Variants in MED12L observed in about 807,000 individuals in gnomAD.
The protein encoded by MED12L is mediator complex subunit 12L, also known as mediator of RNA polymerase II transcription subunit 12-like protein.
In MED12L, 60 loss-of-function variants were observed where a neutral mutation model predicts 281.3. The ratio of observed to expected loss-of-function variants is 0.21; its 90% CI spans 0.17 to 0.26. MED12L has a LOEUF of 0.26. Ranked by LOEUF, MED12L falls within the 10% of genes least tolerant of loss-of-function variation. The pLI is 1.00. For synonymous variants in MED12L, 974 were observed against 987.2 expected (o/e 0.99, Z 0.25); for missense variants, 2,146 against 2,680.9 (o/e 0.80, Z 4.41).
intron 16 of MED12L, among the ~76,000 whole-genome samples, chr3:151,254,488 T>C (rs750511062): frequency 1.3e-5 from 2 of 152,348 alleles, no homozygotes; most frequent in African/African-American, 2.4e-5. Context: ...CATTTTCCCA[T>C]TTATAATTAG....
intron 16 of MED12L, among the ~76,000 whole-genome samples, chr3:151,323,307 A>C (rs949922648): frequency 6.6e-6 from 1 of 152,160 alleles, no homozygotes; most frequent in African/African-American, 2.4e-5. Context: ...TCAGTCTAGA[A>C]TCATCCTATA....
At chr3:151,229,305 CTTTTTTTT>C (rs35097589) in intron 16 of MED12L, among the ~76,000 whole-genome samples, 1 of 112,520 alleles carries the variant, frequency 8.9e-6, no homozygotes, top group South Asian at 2.9e-4. Flanking sequence ...TTCAGCAATT[CTTTTTTTT>C]TTTTTTTTTT....
chr3:151,217,420 C>T (rs1195360486), intron 16 of MED12L, among the ~76,000 whole-genome samples: 1 of 152,176 alleles, frequency 6.6e-6, no homozygotes, highest in East Asian at 1.9e-4. Flanking sequence ...TGATATACAC[C>T]ATTCCCCTTC....
At chr3:151,128,733 A>G (rs1488696426) in intron 5 of MED12L, among the ~76,000 whole-genome samples, 2 of 151,880 alleles carry the variant, frequency 1.3e-5, no homozygotes, top group Non-Finnish European at 2.9e-5. Flanking sequence ...TTCTCCCTCT[A>G]CTTCTGGTTA....
At chr3:151,316,390 T>C (rs1402446052) in intron 16 of MED12L, 1 of 152,202 alleles carries the variant, frequency 6.6e-6, no homozygotes, top group East Asian at 1.9e-4. Flanking sequence ...ATATGTAGTT[T>C]ATATTTCTGC....
chr3:151,213,954 A>G (rs777131350), intron 16 of MED12L: 1 of 1,614,142 alleles, frequency 6.2e-7, no homozygotes, highest in Non-Finnish European at 8.5e-7. Flanking sequence ...TTACAATTTT[A>G]TAATATCTGT....
intron 27 of MED12L, among the ~76,000 whole-genome samples, chr3:151,373,874 A>C (rs1756495009): frequency 6.6e-6 from 1 of 152,178 alleles, no homozygotes; most frequent in Non-Finnish European, 1.5e-5. Flanking sequence ...AGAGAACGTT[A>C]CTGAGAAACC....
chr3:151,232,742 C>G (rs560904066), intron 16 of MED12L, among the ~76,000 whole-genome samples: 2 of 152,250 alleles, frequency 1.3e-5, no homozygotes, highest in African/African-American at 4.8e-5. Flanking sequence ...ATCATGAGAA[C>G]TCATGGACAC....
At chr3:151,197,752 T>A (rs1336327968) in intron 16 of MED12L, 1 of 152,662 alleles carries the variant, frequency 6.6e-6, no homozygotes, top group South Asian at 2.1e-4. Context: ...AGTCACTAAA[T>A]GTATTATTAC....
At chr3:151,346,748 A>G (rs1445385366) in intron 16 of MED12L, among the ~76,000 whole-genome samples, 2 of 152,074 alleles carry the variant, frequency 1.3e-5, no homozygotes, top group African/African-American at 4.8e-5. Context: ...CATAATGTGA[A>G]GGTTTTGCAC....
chr3:151,188,592 A>G (rs537544324), intron 13 of MED12L, 112 bp downstream of exon 13: 1 of 1,145,222 alleles, frequency 8.7e-7, no homozygotes, highest in South Asian at 1.9e-5. Context: ...CACTGAATAT[A>G]ATGTATGTTT....
At chr3:151,361,441 A>T (rs1437001212) in intron 21 of MED12L, among the ~76,000 whole-genome samples, 1 of 151,946 alleles carries the variant, frequency 6.6e-6, no homozygotes, top group Non-Finnish European at 1.5e-5. Flanking sequence ...AAAAAAATAG[A>T]ACTGAATTAA....
chr3:151,174,054 G>T (rs1190009374), intron 11 of MED12L, among the ~76,000 whole-genome samples: 1 of 152,126 alleles, frequency 6.6e-6, no homozygotes, highest in Non-Finnish European at 1.5e-5. Context: ...ACTTTTTTCA[G>T]ATTTTGGAAT....
intron 21 of MED12L, among the ~76,000 whole-genome samples, chr3:151,363,227 A>G (rs1278167640): frequency 6.6e-6 from 1 of 152,176 alleles, no homozygotes; most frequent in Non-Finnish European, 1.5e-5. Flanking sequence ...TGAAAGAGAA[A>G]TACAACTTTC....
intron 20 of MED12L, 145 bp from the exon 21 acceptor site, chr3:151,360,328 GT>G: frequency 2.9e-6 from 2 of 684,308 alleles, no homozygotes; most frequent in Non-Finnish European, 4.9e-6. Context: ...ATTGTACTGA[GT>G]TATTTACTAT....
chr3:151,381,248 G>A lies in MED12L; in HGVS notation c.4590+1024G>A, dbSNP rs186253829. 3.9e-5 allele frequency among the ~76,000 whole-genome samples: 6 copies of A among 152,200 alleles called. No individual in the cohort carries two copies. The East Asian group carries it at 9.7e-4, about 25-fold the overall frequency. On this transcript the variant is annotated intron_variant, in intron 32 of 44. Coordinates refer to ENST00000687756, the MANE Select transcript of MED12L (RefSeq NM_001393769.1). ...CCCTCGAATGGTACTAGATGGACATGGACAAGGACACTTAATCTTATTTGA... is the reference window on the plus strand; with the variant it reads ...CCCTCGAATGGTACTAGATGGACATAGACAAGGACACTTAATCTTATTTGA...
chr3:151,256,963 T>G (rs992988614), intron 16 of MED12L, among the ~76,000 whole-genome samples: 1 of 152,096 alleles, frequency 6.6e-6, no homozygotes, highest in Non-Finnish European at 1.5e-5. Context: ...AGTCCACATA[T>G]GAAGTATGTA....
intron 24 of MED12L, 112 bp downstream of exon 24, chr3:151,367,878 T>C (rs1197041679): frequency 2.5e-6 from 3 of 1,213,268 alleles, no homozygotes. Flanking sequence ...TATTGGGAAG[T>C]GGTGTAGTAT....
At chr3:151,086,480 GTT>G (rs549111086) in intron 1 of MED12L, 7,851 of 142,674 alleles carry the variant, frequency 0.055, 370 homozygotes, top group East Asian at 0.18. Context: ...GCCAAGAAAA[GTT>G]TTTTTTTTTT....
Sources: gnomAD v4.1 joint callset for allele counts (sites outside exome capture counted in the v4.1 genomes callset) on GRCh38, gnomAD v4.1.1 for gene constraint, MANE v1.5 for transcripts, NCBI Gene and HGNC (gene_info 2026-07-23, HGNC 2026-07-21) for gene names.